Variants in MMRN2 observed in about 807,000 individuals in gnomAD.
MMRN2 encodes the protein multimerin 2, also known as multimerin-2.
In MMRN2, 53 loss-of-function variants were observed where a neutral mutation model predicts 68.8. The ratio of observed to expected loss-of-function variants is 0.77; its 90% CI spans 0.62 to 0.97. The LOEUF is 0.97. Among genes scored for constraint, MMRN2 ranks in the 50% least tolerant of loss-of-function variants. MMRN2 has a pLI of 0.00. For synonymous variants in MMRN2, 564 were observed against 551.6 expected, an observed-to-expected ratio of 1.02 and a Z score of -0.32; for missense variants, 1,266 against 1,259.5, an observed-to-expected ratio of 1.01 and a Z score of -0.08.
intron 1 of MMRN2, among the ~76,000 whole-genome samples, chr10:86,955,392 C>G (rs549211316): frequency 6.6e-6 from 1 of 152,216 alleles, no homozygotes; most frequent in Admixed American, 6.5e-5. Context: ...AAGCAGTTAA[C>G]CCCTTCGCTT....
At chr10:86,946,094 G>A (rs1245101043) in intron 1 of MMRN2, among the ~76,000 whole-genome samples, 1 of 152,242 alleles carries the variant, frequency 6.6e-6, no homozygotes, top group African/African-American at 2.4e-5. Flanking sequence ...GAGCCAGAAA[G>A]CTCTCGCTGT....
At chr10:86,953,196 C>T (rs889046640) in intron 1 of MMRN2, among the ~76,000 whole-genome samples, 9 of 152,012 alleles carry the variant, frequency 5.9e-5, no homozygotes, top group African/African-American at 1.7e-4. Context: ...GTACAGTTAA[C>T]GCAAAATCAC....
chr10:86,945,816 G>C, intron 1 of MMRN2, 127 bp from the exon 2 acceptor site: 1 of 1,521,722 alleles, frequency 6.6e-7, no homozygotes, highest in Non-Finnish European at 8.8e-7. Flanking sequence ...ATTATCCTGA[G>C]AAGAGAGCCT....
intron 4 of MMRN2, 69 bp from the exon 5 acceptor site, chr10:86,944,504 G>C: frequency 1.3e-6 from 2 of 1,555,560 alleles, no homozygotes; most frequent in Admixed American, 3.6e-5. Flanking sequence ...AAGGTTCAGA[G>C]AAGGAGAGTT....
chr10:86,952,157 C>T (rs973470930), intron 1 of MMRN2, among the ~76,000 whole-genome samples: 5 of 152,172 alleles, frequency 3.3e-5, no homozygotes. Context: ...GCTCAGGATT[C>T]GATATGCCAG....
chr10:86,936,200 G>T lies in MMRN2; in HGVS notation c.*543C>A. On this transcript the variant is annotated 3_prime_UTR_variant, in exon 7 of 7. Coordinates refer to ENST00000372027, the MANE Select transcript of MMRN2 (RefSeq NM_024756.3). ...GATACTAATTTCCTTTCCCTTGGTT[G>T]GCCAGGCTGTCGTCTTCATTACTGA... 2.5e-6 allele frequency: 1 copy of T among 392,402 alleles called. No individual in the cohort carries two copies. The highest frequency in any genetic ancestry group is 4.5e-6 in the Non-Finnish European group (1 of 222,922). 24.3% of individuals were successfully genotyped at this position (392,402 alleles called of 1,614,324 possible).
In MMRN2 at chr10:86,936,877, T is replaced by A. The variant is rs763649093; in HGVS notation, c.2716A>T (p.Ser906Cys). 4 of 1,614,208 alleles carry A rather than the reference T, an allele frequency of 2.5e-6. No individual in the cohort carries two copies. Among genetic ancestry groups the A allele is most frequent in the Non-Finnish European group, 3.4e-6 (4 of 1,180,044 alleles). Reference sequence around the variant, plus strand: ...GCCATGGCAAAGACCGTTGCTGTGCTTCCACTCCCCTGCCCAGTGGTACAG... The same window carrying A: ...GCCATGGCAAAGACCGTTGCTGTGCATCCACTCCCCTGCCCAGTGGTACAG... ...PVCTTGQGSGSTATVFAMAEL... is the reference protein window; with the variant it reads ...PVCTTGQGSGCTATVFAMAEL... The change falls in exon 7 of 7, where the codon AGC becomes TGC. Residue 906 changes from serine (S) to cysteine (C), a missense_variant. By Grantham distance (112) the Ser-to-Cys change is moderately radical (BLOSUM62 -1). Transcript: ENST00000372027.
Position 86,944,020 on chromosome 10 carries a change from AG to A in MMRN2, c.763del (p.Thr256ProfsTer4). ...AGACAGGTTTCTTATGGCCTGGGTA[AG>A]GCTGTGCAGGCTTTGGTTAAAGCTC... ...WRSFNQSLHS[L>X]TQAIRNLSLD... On this transcript the variant is annotated frameshift_variant, in exon 6 of 7. Transcript: ENST00000372027. LOFTEE classifies it high-confidence loss of function. 1 of 1,614,102 alleles carries A rather than the reference AG, an allele frequency of 6.2e-7. No individual in the cohort carries two copies. Among genetic ancestry groups the A allele is most frequent in the South Asian group, 1.1e-5 (1 of 91,086 alleles).
chr10:86,945,313 C>A (rs533396324), intron 3 of MMRN2, 45 bp from the exon 4 acceptor site: 34 of 1,610,778 alleles, frequency 2.1e-5, no homozygotes, highest in Non-Finnish European at 2.7e-5. Context: ...GTCAGAGGAG[C>A]TGCTTGACCT....
At chr10:86,956,440 C>G (rs1039447677) in intron 1 of MMRN2, among the ~76,000 whole-genome samples, 10 of 152,232 alleles carry the variant, frequency 6.6e-5, no homozygotes, top group African/African-American at 9.6e-5. Context: ...GTTGGCCCCC[C>G]CCTCACTCCC....
Position 86,936,133 on chromosome 10 carries a change from G to A in MMRN2, c.*610C>T. On this transcript the variant is annotated 3_prime_UTR_variant, in exon 7 of 7. Transcript: ENST00000372027. ...ATTCAAGATGATATTTTAGGTGGGG[G>A]CACAGCTAAACCATATCCTACAAGG... is the stretch of plus-strand genomic sequence containing the variant. 3.2e-6 allele frequency: 1 copy of A among 311,772 alleles called. No individual in the cohort carries two copies. The highest frequency in any genetic ancestry group is 4.9e-5 in the East Asian group (1 of 20,470). The allele number at this position is 311,772 out of a possible 1,614,324, so 19.3% of individuals were successfully genotyped here.
chr10:86,936,580 C>CCCATTTCT lies in MMRN2; in HGVS notation c.*162_*163insAGAAATGG. The CCCATTTCT allele has an allele frequency of 1.3e-6, 1 of 775,140 alleles. No homozygotes were observed. Among genetic ancestry groups the CCCATTTCT allele is most frequent in the Non-Finnish European group, 2.1e-6 (1 of 476,600 alleles). The allele number at this position is 775,140 out of a possible 1,614,324, so 48.0% of individuals were successfully genotyped here. The stretch of plus-strand genomic sequence containing the variant: ...TCTCATCATGGAGAAATGGCCAAGC[C>CCCATTTCT]CCATGTGGTTACAGGGAAGCCACGT... On this transcript the variant is annotated 3_prime_UTR_variant, in exon 7 of 7. Coordinates refer to ENST00000372027, the MANE Select transcript of MMRN2 (RefSeq NM_024756.3).
At chr10:86,951,996 C>T (rs535700016) in intron 1 of MMRN2, among the ~76,000 whole-genome samples, 7 of 152,126 alleles carry the variant, frequency 4.6e-5, no homozygotes, top group East Asian at 3.9e-4. Flanking sequence ...TGCAGTGAGC[C>T]GACATTGAAC....
intron 1 of MMRN2, among the ~76,000 whole-genome samples, chr10:86,955,010 C>G (rs1589308179): frequency 6.6e-6 from 1 of 152,326 alleles, no homozygotes; most frequent in South Asian, 2.1e-4. Flanking sequence ...TCAGGAGAAG[C>G]CTGAGGCTGG....
chr10:86,944,066 G>A lies in MMRN2; in HGVS notation c.718C>T (p.His240Tyr). Residue 240 changes from histidine to tyrosine, a missense_variant, in exon 6 of 7, where the codon CAT becomes TAT. By Grantham distance (83) the His-to-Tyr change is moderately conservative. Coordinates refer to ENST00000372027, the MANE Select transcript of MMRN2 (RefSeq NM_024756.3). ...AAGCTCCTCCAGATGGGGCTGAAAT[G>A]CACTTGTAGGAAGGTGTCCACGTGG... ...LPHVDTFLQV[H>Y]FSPIWRSFNQ... 4 of 1,614,154 alleles carry A rather than the reference G, an allele frequency of 2.5e-6. No homozygotes were observed. The highest frequency in any genetic ancestry group is 3.4e-6 in the Non-Finnish European group (4 of 1,180,026).
At position 86,936,788 on chromosome 10, in the gene MMRN2, G is replaced by C. The variant is rs759909837; in HGVS notation, c.2805C>G (p.Ser935Arg). Residue 935 changes from serine (S) to arginine (R), a missense_variant, in exon 7 of 7, where the codon AGC (serine) becomes AGG (arginine). By Grantham distance (110) the Ser-to-Arg change is moderately radical. Transcript: ENST00000372027. The stretch of plus-strand genomic sequence containing the variant: ...AGCCCCCAAATGCAGTGCCCGACAG[G>C]CTTCTCTTTGTTATTGATCCCTGGG... ...ELTQGSITKR[S>R]LSGTAFGGFL... 1 of 1,614,192 alleles carries C rather than the reference G, an allele frequency of 6.2e-7. No homozygotes were observed. Among genetic ancestry groups the C allele is most frequent in the Non-Finnish European group, 8.5e-7 (1 of 1,180,042 alleles).
intron 4 of MMRN2, 23 bp downstream of exon 4, chr10:86,945,165 T>G (rs2133680615): frequency 6.2e-7 from 1 of 1,610,596 alleles, no homozygotes; most frequent in South Asian, 1.1e-5. Context: ...CTGCCTGCCT[T>G]CCCCTTCCGG....
intron 4 of MMRN2, 93 bp downstream of exon 4, chr10:86,945,095 T>C (rs1844045852): frequency 1.8e-6 from 2 of 1,130,696 alleles, no homozygotes; most frequent in Non-Finnish European, 2.6e-6. Context: ...AAGGTTTCCC[T>C]GAAATGGCAC....
At chr10:86,956,443 T>A (rs1844232243) in intron 1 of MMRN2, among the ~76,000 whole-genome samples, 1 of 152,064 alleles carries the variant, frequency 6.6e-6, no homozygotes, top group Admixed American at 6.5e-5. Context: ...GGCCCCCCCC[T>A]CACTCCCTAA....
Sources: gnomAD v4.1 joint callset for allele counts (sites outside exome capture counted in the v4.1 genomes callset) on GRCh38, gnomAD v4.1.1 for gene constraint, MANE v1.5 for transcripts, NCBI Gene and HGNC (gene_info 2026-07-23, HGNC 2026-07-21) for gene names.